The following EFNA3 variants were observed in gnomAD, a reference collection of about 807,000 sequenced individuals.
The protein encoded by EFNA3 is ephrin A3, also known as ephrin-A3.
EFNA3 carries 15 observed loss-of-function variants against 25.0 expected under a neutral mutation model. The observed-to-expected ratio is 0.60, with a 90% CI of 0.40 to 0.92. The LOEUF (loss-of-function observed/expected upper bound fraction) is 0.92. Ranked by LOEUF, EFNA3 falls within the 40% of genes least tolerant of loss-of-function variation. The pLI, the probability that EFNA3 is intolerant of heterozygous loss-of-function variation, is 0.00. For missense variants in EFNA3, 298 were observed against 323.8 expected, an observed-to-expected ratio of 0.92 and a Z score of 0.61; for synonymous variants, 153 against 145.6, an observed-to-expected ratio of 1.05 and a Z score of -0.37.
chr1:155,083,770 A>AG (rs1663387446), intron 1 of EFNA3, among the ~76,000 whole-genome samples: 1 of 152,198 alleles, frequency 6.6e-6, no homozygotes, highest in Admixed American at 6.5e-5. Context: ...CTGGTGACAT[A>AG]GGGAGCCAGT....
At position 155,085,080 on chromosome 1, in the gene EFNA3, C is replaced by T. The variant is rs780182607; in HGVS notation, c.129-11C>T. On this transcript the variant is annotated splice_polypyrimidine_tract_variant and intron_variant, in intron 1 of 4. Coordinates refer to ENST00000368408, the MANE Select transcript of EFNA3 (RefSeq NM_004952.5). This position sits in a 1 kb window ranked among gnomAD's most constrained non-coding sequence, Gnocchi z 4.4. The stretch of plus-strand genomic sequence containing the variant: ...GTTTCTTCTCTCTGAGCCGCTTCCT[C>T]TTCCCCACAGCCTGCGGCGAGAGGG... The T allele has an allele frequency of 2.5e-6, 4 of 1,612,908 alleles. No individual in the cohort carries two copies. The African/African-American group carries it at 5.3e-5, about 22-fold the overall frequency.
chr1:155,082,478 T>G (rs1663360631), intron 1 of EFNA3, among the ~76,000 whole-genome samples: 1 of 151,996 alleles, frequency 6.6e-6, no homozygotes, highest in African/African-American at 2.4e-5. Context: ...CCGCGGACAC[T>G]CCGGGTTAAG....
rs1339643149 is a variant in EFNA3 at position 155,080,115 on chromosome 1, G to C, written c.128+1046G>C. Among the ~76,000 whole-genome samples, 1 of 152,168 alleles carries C rather than the reference G, an allele frequency of 6.6e-6. No individual in the cohort carries two copies. The highest frequency in any genetic ancestry group is 2.4e-5 in the African/African-American group (1 of 41,422). ...GTGTGTGTCTGTGTGTTAGTAGGGG[G>C]AGATCCCTGGGGACGCGGGGGTCAC... On this transcript the variant is annotated intron_variant, in intron 1 of 4. Transcript: ENST00000368408. The surrounding 1 kb of genome is among the most constrained non-coding windows in gnomAD (Gnocchi z 7.0).
At chr1:155,082,281 G>GT (rs1663357494) in intron 1 of EFNA3, among the ~76,000 whole-genome samples, 1 of 152,236 alleles carries the variant, frequency 6.6e-6, no homozygotes, top group Admixed American at 6.5e-5. Flanking sequence ...CTCCACCCCT[G>GT]TAACTCTGCA....
Position 155,085,572 on chromosome 1 carries a change from A to G in EFNA3, c.442+168A>G. On this transcript the variant is annotated intron_variant, in intron 2 of 4. Transcript: ENST00000368408. The surrounding 1 kb of genome is among the most constrained non-coding windows in gnomAD (Gnocchi z 4.4). ...GGGACGCCTGAGGGGTTCAGCTCAG[A>G]CGAGGTCGTGGGGCCAAGAGAGGAG... 1.1e-6 allele frequency: 1 copy of G among 875,224 alleles called. No homozygotes were observed. Among genetic ancestry groups the G allele is most frequent in the Non-Finnish European group, 1.7e-6 (1 of 588,042 alleles). The allele number at this position is 875,224 out of a possible 1,614,324, so 54.2% of individuals were successfully genotyped here.
chr1:155,087,284 A>G lies in EFNA3; in HGVS notation c.*741A>G, dbSNP rs954082946. On this transcript the variant is annotated 3_prime_UTR_variant, in exon 5 of 5. Coordinates refer to ENST00000368408, the MANE Select transcript of EFNA3 (RefSeq NM_004952.5). ...CCTTCCCCACCAGGCTAGGCCCCCC[A>G]CACCTGGGGGACCCCCTGGCCCCTC... is the stretch of plus-strand genomic sequence containing the variant. 2.6e-5 allele frequency: 4 copies of G among 151,702 alleles called. No homozygotes were observed. Among genetic ancestry groups the G allele is most frequent in the Non-Finnish European group, 5.9e-5 (4 of 67,758 alleles). 9.4% of individuals were successfully genotyped at this position (151,702 alleles called of 1,614,324 possible).
intron 1 of EFNA3, among the ~76,000 whole-genome samples, chr1:155,083,934 C>T (rs573280649): frequency 1.3e-5 from 2 of 152,348 alleles, no homozygotes; most frequent in South Asian, 4.1e-4. Flanking sequence ...TGCCCCCTCT[C>T]CGAGTTTCTT....
rs978343240 is a variant in EFNA3 at position 155,085,018 on chromosome 1, T to C, written c.129-73T>C. The C allele has an allele frequency of 3.6e-5, 56 of 1,537,352 alleles. No homozygotes were observed. Among genetic ancestry groups the C allele is most frequent in the South Asian group, 2.6e-4 (22 of 86,264 alleles). On this transcript the variant is annotated intron_variant, in intron 1 of 4. Coordinates refer to ENST00000368408, the MANE Select transcript of EFNA3 (RefSeq NM_004952.5). This position sits in a 1 kb window ranked among gnomAD's most constrained non-coding sequence, Gnocchi z 4.4. Reference sequence around the variant, plus strand: ...GGCTACGCGGACCCTGGGGAGGGGCTGCGGAGCGGTCAGATGGAAAGCGGC... The same window carrying C: ...GGCTACGCGGACCCTGGGGAGGGGCCGCGGAGCGGTCAGATGGAAAGCGGC...
rs528234396 is a variant in EFNA3 at position 155,086,433 on chromosome 1, C to G, written c.607C>G (p.Pro203Ala). Residue 203 changes from proline to alanine, a missense_variant, in exon 5 of 5, where the codon CCT becomes GCT. Transcript: ENST00000368408. Reference protein sequence around the residue: ...NVLEDFEGENPQVPKLEKSIS... With the variant: ...NVLEDFEGENAQVPKLEKSIS... ...CACAGAAGACTTTGAGGGAGAGAAC[C>G]CTCAGGTGCCCAAGCTTGAGAAGAG... The G allele has an allele frequency of 3.7e-6, 6 of 1,613,950 alleles. No homozygotes were observed. The East Asian group carries it at 1.3e-4, about 36-fold the overall frequency.
intron 1 of EFNA3, among the ~76,000 whole-genome samples, chr1:155,083,321 C>T (rs1016593384): frequency 3.3e-5 from 5 of 152,198 alleles, no homozygotes; most frequent in Non-Finnish European, 7.4e-5. Flanking sequence ...CACTGGAGGC[C>T]CCCTCCCCAA....
At chr1:155,082,030 C>T (rs1411042189) in intron 1 of EFNA3, among the ~76,000 whole-genome samples, 1 of 152,196 alleles carries the variant, frequency 6.6e-6, no homozygotes, top group Non-Finnish European at 1.5e-5. Flanking sequence ...TGCGCCCAGA[C>T]CTGGGCTGTC....
At chr1:155,086,255 C>T in intron 4 of EFNA3, 50 bp downstream of exon 4, 1 of 1,602,518 alleles carries the variant, frequency 6.2e-7, no homozygotes, top group East Asian at 2.2e-5. Flanking sequence ...CCGCAGCCCC[C>T]CGCCCCGGTG....
chr1:155,086,645 TC>T lies in EFNA3; in HGVS notation c.*105del. ...AAGCCTAGTGGGCCTAGACCCCTCC[TC>T]CCATGGCTAGAAGTGGGGCCTGCAC... On this transcript the variant is annotated 3_prime_UTR_variant, in exon 5 of 5. Coordinates refer to ENST00000368408, the MANE Select transcript of EFNA3 (RefSeq NM_004952.5). 1.4e-6 allele frequency: 2 copies of T among 1,448,308 alleles called. No individual in the cohort carries two copies. Among genetic ancestry groups the T allele is most frequent in the Non-Finnish European group, 1.9e-6 (2 of 1,073,596 alleles). The allele number at this position is 1,448,308 out of a possible 1,614,324, so 89.7% of individuals were successfully genotyped here.
intron 1 of EFNA3, among the ~76,000 whole-genome samples, chr1:155,082,765 G>A (rs576020637): frequency 6.6e-6 from 1 of 152,356 alleles, no homozygotes; most frequent in African/African-American, 2.4e-5. Context: ...GGCCCTAGAG[G>A]CGGGGTTAGC....
chr1:155,079,932 G>T lies in EFNA3; in HGVS notation c.128+863G>T, dbSNP rs1228135020. On this transcript the variant is annotated intron_variant, in intron 1 of 4. Coordinates refer to ENST00000368408, the MANE Select transcript of EFNA3 (RefSeq NM_004952.5). The surrounding 1 kb of genome is among the most constrained non-coding windows in gnomAD (Gnocchi z 7.7). The stretch of plus-strand genomic sequence containing the variant: ...TGGGGTGGCTGTTGGCGCCGCCGCG[G>T]TCTGGGCGGGTGTCAGGGCGGCCGT... 6.6e-6 allele frequency among the ~76,000 whole-genome samples: 1 copy of T among 152,104 alleles called. No individual in the cohort carries two copies. The highest frequency in any genetic ancestry group is 2.4e-5 in the African/African-American group (1 of 41,402).
At position 155,086,560 on chromosome 1, in the gene EFNA3, G is replaced by C. The variant is rs538270136; in HGVS notation, c.*17G>C. ...GCCTCCTAGCTCTGCCCCCTCCCCTGGGGGGGGAGAGATGGGGCGGGGCTT... is the reference window on the plus strand; with the variant it reads ...GCCTCCTAGCTCTGCCCCCTCCCCTCGGGGGGGAGAGATGGGGCGGGGCTT... On this transcript the variant is annotated 3_prime_UTR_variant, in exon 5 of 5. Coordinates refer to ENST00000368408, the MANE Select transcript of EFNA3 (RefSeq NM_004952.5). The C allele has an allele frequency of 1.2e-5, 19 of 1,559,668 alleles. No individual in the cohort carries two copies. The highest frequency in any genetic ancestry group is 1.8e-5 in the Admixed American group (1 of 56,712).
chr1:155,085,464 G>A lies in EFNA3; in HGVS notation c.442+60G>A. ...GCGAGAGTCTGAGTGACAGCCGGGG[G>A]GTGGAGCCCCTAGGCTCCGGGGCGG... On this transcript the variant is annotated intron_variant, in intron 2 of 4. Transcript: ENST00000368408. The surrounding 1 kb of genome is among the most constrained non-coding windows in gnomAD (Gnocchi z 4.4). The A allele has an allele frequency of 6.8e-7, 1 of 1,467,432 alleles. No homozygotes were observed. The highest frequency in any genetic ancestry group is 9.1e-7 in the Non-Finnish European group (1 of 1,104,392). The allele number at this position is 1,467,432 out of a possible 1,614,324, so 90.9% of individuals were successfully genotyped here.
At position 155,081,759 on chromosome 1, in the gene EFNA3, T is replaced by C. The variant is rs1280769867; in HGVS notation, c.128+2690T>C. 6.6e-6 allele frequency among the ~76,000 whole-genome samples: 1 copy of C among 152,186 alleles called. No homozygotes were observed. Among genetic ancestry groups the C allele is most frequent in the Admixed American group, 6.5e-5 (1 of 15,284 alleles). ...CGGTTCTCGTTCTCTTCCCTGCCTCTCTCGGTTTCTGCGTCTCTCTCGCAC... is the reference window on the plus strand; with the variant it reads ...CGGTTCTCGTTCTCTTCCCTGCCTCCCTCGGTTTCTGCGTCTCTCTCGCAC... On this transcript the variant is annotated intron_variant, in intron 1 of 4. Coordinates refer to ENST00000368408, the MANE Select transcript of EFNA3 (RefSeq NM_004952.5). This position sits in a 1 kb window ranked among gnomAD's most constrained non-coding sequence, Gnocchi z 5.2.
chr1:155,080,675 G>C lies in EFNA3; in HGVS notation c.128+1606G>C, dbSNP rs1250052166. Among the ~76,000 whole-genome samples the C allele has an allele frequency of 6.6e-6, 1 of 152,178 alleles. No homozygotes were observed. The highest frequency in any genetic ancestry group is 2.4e-5 in the African/African-American group (1 of 41,464). ...GGAGGATGCGGGAATAGGTTTGGTGGGGGGAGGTGTTGATCAGGTTCCCCT... is the reference window on the plus strand; with the variant it reads ...GGAGGATGCGGGAATAGGTTTGGTGCGGGGAGGTGTTGATCAGGTTCCCCT... On this transcript the variant is annotated intron_variant, in intron 1 of 4. Transcript: ENST00000368408. This position sits in a 1 kb window ranked among gnomAD's most constrained non-coding sequence, Gnocchi z 7.0.
Sources: allele counts gnomAD v4.1 joint callset (sites outside exome capture counted in the v4.1 genomes callset), GRCh38; gene constraint gnomAD v4.1.1; non-coding constraint Gnocchi (gnomAD v3.1); transcripts MANE v1.5; gene names NCBI Gene and HGNC (gene_info 2026-07-23, HGNC 2026-07-21).